SLC9A3: variants seen among roughly 807,000 people sequenced by gnomAD.
The protein encoded by SLC9A3 is solute carrier family 9 member A3.
SLC9A3 carries 37 observed loss-of-function variants against 86.8 expected under a neutral mutation model. The observed-to-expected ratio is 0.43, with a 90% confidence interval of 0.33 to 0.56. The LOEUF (loss-of-function observed/expected upper bound fraction) is 0.56. Among genes scored for constraint, SLC9A3 ranks in the 20% least tolerant of loss-of-function variants. The pLI is 0.06. For synonymous variants in SLC9A3, 581 were observed against 528.3 expected, an observed-to-expected ratio of 1.10 and a Z score of -1.37; for missense variants, 1,011 against 1,171.9, an observed-to-expected ratio of 0.86 and a Z score of 2.00.
intron 1 of SLC9A3, among the ~76,000 whole-genome samples, chr5:516,825 G>A (rs1733744480): frequency 6.6e-6 from 1 of 152,224 alleles, no homozygotes; most frequent in African/African-American, 2.4e-5. Flanking sequence ...TTGGCAGGCG[G>A]CGCCTCTAAA....
Position 483,359 on chromosome 5 carries a change from C to G in SLC9A3, c.1056G>C (p.Met352Ile), listed in dbSNP as rs1486812365. 1.3e-6 allele frequency: 2 copies of G among 1,570,858 alleles called. No individual in the cohort carries two copies. The highest frequency in any genetic ancestry group is 1.7e-6 in the Non-Finnish European group (2 of 1,158,500). Residue 352 changes from methionine (M) to isoleucine (I), a missense_variant, in exon 6 of 17, where the codon ATG (methionine) becomes ATC (isoleucine). Physicochemically the swap from Met to Ile is conservative, Grantham distance 10. Around this residue, in one of 3 missense-constraint regions of SLC9A3, gnomAD observed 565 missense variants for 790.0 expected, o/e 0.72. Transcript: ENST00000264938. ...GGTTCACGGCCGAGATACCCAGGAA[C>G]ATGAAGATGATGGTCTCGGCGCTGC... ...LASSAETIIFMFLGISAVNPF... is the reference protein window; with the variant it reads ...LASSAETIIFIFLGISAVNPF...
rs1352384146 is a variant in SLC9A3 at position 510,760 on chromosome 5, A to C, written c.211+13352T>G. Among the ~76,000 whole-genome samples the C allele has an allele frequency of 2.6e-5, 4 of 151,782 alleles. No homozygotes were observed. The East Asian group carries it at 5.9e-4, about 22-fold the overall frequency. ...TGGGGAATCCTGCGGGGGGAAGGCG[A>C]GGGAAATGGAGGTGGAGGAGCTGTG... is the stretch of plus-strand genomic sequence containing the variant. On this transcript the variant is annotated intron_variant, in intron 1 of 16. Transcript: ENST00000264938.
intron 1 of SLC9A3, among the ~76,000 whole-genome samples, chr5:511,038 G>T (rs144985026): frequency 6.6e-6 from 1 of 152,206 alleles, no homozygotes; most frequent in African/African-American, 2.4e-5. Flanking sequence ...CATAATAAGG[G>T]CTCAGATACC....
intron 1 of SLC9A3, among the ~76,000 whole-genome samples, chr5:507,026 G>C (rs998737359): frequency 6.0e-5 from 9 of 150,758 alleles, no homozygotes; most frequent in African/African-American, 2.2e-4. Flanking sequence ...AGCCGAGATC[G>C]AGATTGGGCC....
chr5:480,114 C>A, intron 9 of SLC9A3, 149 bp from the exon 10 acceptor site: 2 of 788,914 alleles, frequency 2.5e-6, no homozygotes, highest in South Asian at 3.6e-5. Context: ...CCCTGCCACA[C>A]GCCCAGGCCG....
intron 3 of SLC9A3, among the ~76,000 whole-genome samples, chr5:486,200 G>T (rs556177013): frequency 1.3e-5 from 2 of 152,154 alleles, no homozygotes; most frequent in African/African-American, 4.8e-5. Flanking sequence ...CCCTCCGGCT[G>T]CGTCTGCAGG....
intron 1 of SLC9A3, among the ~76,000 whole-genome samples, chr5:513,443 T>G (rs1299119015): frequency 6.6e-6 from 1 of 152,124 alleles, no homozygotes; most frequent in African/African-American, 2.4e-5. Context: ...AGAGCTCAAG[T>G]GCCCCCTAAA....
intron 1 of SLC9A3, among the ~76,000 whole-genome samples, chr5:509,695 G>A (rs1427284268): frequency 3.3e-5 from 5 of 152,146 alleles, no homozygotes; most frequent in Non-Finnish European, 7.4e-5. Flanking sequence ...TGGCACAGCA[G>A]GTGAAGTTAG....
At chr5:477,623 C>T (rs1738836922) in intron 10 of SLC9A3, among the ~76,000 whole-genome samples, 179 bp from the exon 11 acceptor site, 1 of 152,218 alleles carries the variant, frequency 6.6e-6, no homozygotes, top group African/African-American at 2.4e-5. Flanking sequence ...ACCAGGAGAT[C>T]AGATTTTGAG....
At chr5:510,796 G>A (rs778084909) in intron 1 of SLC9A3, among the ~76,000 whole-genome samples, 1 of 152,200 alleles carries the variant, frequency 6.6e-6, no homozygotes, top group Non-Finnish European at 1.5e-5. Flanking sequence ...GGAAAGGCCA[G>A]GGCTGCTGGG....
intron 3 of SLC9A3, among the ~76,000 whole-genome samples, chr5:486,119 G>C (rs967454672): frequency 1.3e-5 from 2 of 152,144 alleles, no homozygotes; most frequent in Admixed American, 1.3e-4. Flanking sequence ...GGGAACATGA[G>C]AGGCTGACGG....
intron 1 of SLC9A3, among the ~76,000 whole-genome samples, chr5:503,945 C>T (rs974031366): frequency 6.6e-6 from 1 of 152,318 alleles, no homozygotes; most frequent in East Asian, 1.9e-4. Context: ...CCCATCTTCA[C>T]CCGGTGCCTG....
Position 473,079 on chromosome 5 carries a change from C to G in SLC9A3, c.*300G>C. On this transcript the variant is annotated 3_prime_UTR_variant, in exon 17 of 17. Coordinates refer to ENST00000264938, the MANE Select transcript of SLC9A3 (RefSeq NM_004174.4). ...GCGCGCGCGAGGCCGCTGGAACGAG[C>G]GCCGGCTGTGCACGCGGCGCGCCGC... The G allele has an allele frequency of 4.0e-6, 1 of 247,528 alleles. No homozygotes were observed. Among genetic ancestry groups the G allele is most frequent in the African/African-American group, 2.4e-5 (1 of 41,336 alleles). The allele number at this position is 247,528 out of a possible 1,614,324, so 15.3% of individuals were successfully genotyped here. A position where few individuals can be genotyped will look rare whatever the true frequency, so the allele number is the denominator to read the frequency against.
chr5:506,949 T>C (rs1438624190), intron 1 of SLC9A3, among the ~76,000 whole-genome samples: 2 of 149,796 alleles, frequency 1.3e-5, no homozygotes, highest in African/African-American at 2.5e-5. Context: ...CAGACACCTG[T>C]AGTCCCAGCT....
intron 1 of SLC9A3, among the ~76,000 whole-genome samples, chr5:517,642 T>G (rs1403360012): frequency 6.7e-6 from 1 of 149,604 alleles, no homozygotes; most frequent in African/African-American, 2.5e-5. Flanking sequence ...ATCCATTCAC[T>G]CATTCATATA....
intron 9 of SLC9A3, 114 bp from the exon 10 acceptor site, chr5:480,079 G>T: frequency 3.2e-6 from 4 of 1,239,524 alleles, no homozygotes; most frequent in Non-Finnish European, 4.5e-6. Context: ...GACCCTGTAG[G>T]CGCGTTTAAA....
rs535698153 is a variant in SLC9A3, at chr5:510,540, T to A, written c.211+13572A>T. Among the ~76,000 whole-genome samples the A allele has an allele frequency of 2.4e-4, 37 of 152,296 alleles. No homozygotes were observed. In the South Asian group the frequency reaches 7.7e-3, roughly 32 times the overall value. On this transcript the variant is annotated intron_variant, in intron 1 of 16. Transcript: ENST00000264938. ...AACCCTAGAACTACTTGATTTTTCA[T>A]CTGACAAAGCTAACAGAGGAAAAGA...
intron 1 of SLC9A3, among the ~76,000 whole-genome samples, chr5:516,302 A>G (rs530816242): frequency 2.0e-5 from 3 of 151,878 alleles, no homozygotes; most frequent in East Asian, 4.0e-4. Flanking sequence ...CTGAATGTTT[A>G]TTGAATGAAT....
rs148487070 is a variant in SLC9A3, at chr5:513,849, A to G, written c.211+10263T>C. ...CCCTTGTGTTGCGGATTTAGGTCGAACGCAGCTCTCCCATTTGTCAGCACC... is the reference window on the plus strand; with the variant it reads ...CCCTTGTGTTGCGGATTTAGGTCGAGCGCAGCTCTCCCATTTGTCAGCACC... On this transcript the variant is annotated intron_variant, in intron 1 of 16. Coordinates refer to ENST00000264938, the MANE Select transcript of SLC9A3 (RefSeq NM_004174.4). Among the ~76,000 whole-genome samples, 693 of 152,352 alleles carry G rather than the reference A, an allele frequency of 4.5e-3. 6 individuals are homozygous for G. The highest frequency in any genetic ancestry group is 0.016 in the African/African-American group (666 of 41,582).
Sources: allele counts gnomAD v4.1 joint callset (sites outside exome capture counted in the v4.1 genomes callset), GRCh38; gene constraint gnomAD v4.1.1; regional missense constraint gnomAD v4.1.1; transcripts MANE v1.5; gene names NCBI Gene and HGNC (gene_info 2026-07-23, HGNC 2026-07-21).